Variants in IL1RL2 observed in about 807,000 individuals in gnomAD.
The protein encoded by IL1RL2 is interleukin 1 receptor like 2.
In IL1RL2, 68 loss-of-function variants were observed where a neutral mutation model predicts 66.8. The observed-to-expected ratio is 1.02, with a 90% confidence interval of 0.84 to 1.25. The LOEUF (loss-of-function observed/expected upper bound fraction) is 1.25, where lower values mean the gene tolerates loss of function less well. IL1RL2 is among the 50% of genes most tolerant of loss of function. The pLI is 0.00. For missense variants in IL1RL2, 729 were observed against 709.3 expected, an observed-to-expected ratio of 1.03 and a Z score of -0.32; for synonymous variants, 305 against 264.6, an observed-to-expected ratio of 1.15 and a Z score of -1.48.
At chr2:102,195,176 T>C (rs1025163027) in intron 4 of IL1RL2, among the ~76,000 whole-genome samples, 1 of 152,208 alleles carries the variant, frequency 6.6e-6, no homozygotes, top group African/African-American at 2.4e-5. Context: ...TCAGTAATTG[T>C]TACAATGTGT....
intron 9 of IL1RL2, among the ~76,000 whole-genome samples, chr2:102,229,087 G>A (rs1445556962): frequency 1.3e-5 from 2 of 152,176 alleles, no homozygotes; most frequent in African/African-American, 4.8e-5. Flanking sequence ...ATTTTCCACT[G>A]TTCTGGTTTC....
chr2:102,216,189 T>C (rs1453697081), intron 6 of IL1RL2, among the ~76,000 whole-genome samples: 2 of 152,170 alleles, frequency 1.3e-5, no homozygotes, highest in African/African-American at 4.8e-5. Context: ...AACAGATAGA[T>C]ATTATAAAAA....
At chr2:102,235,651 TGGGAGCCTGTGCTGTCGG>T (rs1674811927) in intron 11 of IL1RL2, 3 of 985,326 alleles carry the variant, frequency 3.0e-6, no homozygotes, top group Non-Finnish European at 3.6e-6. Context: ...GAGTCTGAGA[TGGGAGCCTGTGCTGTCGG>T]GGGACCACAG....
chr2:102,188,355 C>A (rs1245487542), intron 2 of IL1RL2, among the ~76,000 whole-genome samples: 1 of 152,064 alleles, frequency 6.6e-6, no homozygotes, highest in Non-Finnish European at 1.5e-5. Flanking sequence ...GAGGCCAAGG[C>A]GGGCGGATCA....
In IL1RL2 at chr2:102,195,583, TTC is replaced by T. The variant is rs1351130708; in HGVS notation, c.489+3465_489+3466del. 3.1e-3 allele frequency among the ~76,000 whole-genome samples: 46 copies of T among 15,052 alleles called. 2 individuals are homozygous for T. Among genetic ancestry groups the T allele is most frequent in the Admixed American group, 6.5e-3 (10 of 1,538 alleles). 9.9% of individuals were successfully genotyped at this position (15,052 alleles called of 152,430 possible). A position where few individuals can be genotyped will look rare whatever the true frequency, so the allele number is the denominator to read the frequency against. ...TCTCTTTCTTTCTTTCTTTCTTTCTTTCTTTCTTTCTTTCTTTCTTTCTTTCT... is the reference window on the plus strand; with the variant it reads ...TCTCTTTCTTTCTTTCTTTCTTTCTTTTTCTTTCTTTCTTTCTTTCTTTCT... On this transcript the variant is annotated intron_variant, in intron 4 of 11. Transcript: ENST00000264257.
chr2:102,217,674 A>G (rs908564792), intron 6 of IL1RL2, among the ~76,000 whole-genome samples: 5 of 152,208 alleles, frequency 3.3e-5, no homozygotes, highest in African/African-American at 1.2e-4. Context: ...AGGAACACAC[A>G]TTAAACAAGT....
intron 4 of IL1RL2, among the ~76,000 whole-genome samples, chr2:102,198,896 G>A (rs570360971): frequency 1.1e-4 from 16 of 152,148 alleles, no homozygotes; most frequent in African/African-American, 3.4e-4. Flanking sequence ...TTGTCCAACC[G>A]TCTAATGTAC....
At chr2:102,208,000 C>T (rs1252036401) in intron 5 of IL1RL2, among the ~76,000 whole-genome samples, 1 of 152,202 alleles carries the variant, frequency 6.6e-6, no homozygotes, top group Non-Finnish European at 1.5e-5. Context: ...GTCCAGTTTT[C>T]CTTTCTGTTC....
chr2:102,210,522 C>T (rs1689081169), intron 5 of IL1RL2, among the ~76,000 whole-genome samples: 1 of 152,104 alleles, frequency 6.6e-6, no homozygotes, highest in African/African-American at 2.4e-5. Flanking sequence ...GCAGGTAAGG[C>T]ATGAAGGCAC....
Position 102,187,082 on chromosome 2 carries a change from G to A in IL1RL2, c.-17G>A, listed in dbSNP as rs1686741545. On this transcript the variant is annotated 5_prime_UTR_variant, in exon 1 of 12. Transcript: ENST00000264257. ...AGGTCCTGCGCGCTTCAATCCTGCA[G>A]GCAGGTAGACACCGGGCCGGGAGTC... 1 of 1,289,748 alleles carries A rather than the reference G, an allele frequency of 7.8e-7. No homozygotes were observed. The highest frequency in any genetic ancestry group is 1.2e-5 in the South Asian group (1 of 81,040). The allele number at this position is 1,289,748 out of a possible 1,614,324, so 79.9% of individuals were successfully genotyped here.
At chr2:102,227,555 C>A (rs1690733472) in intron 9 of IL1RL2, among the ~76,000 whole-genome samples, 1 of 152,128 alleles carries the variant, frequency 6.6e-6, no homozygotes, top group African/African-American at 2.4e-5. Context: ...TGTGGATAGT[C>A]CGACTGGGCA....
At chr2:102,191,341 TA>T (rs1187028948) in intron 3 of IL1RL2, among the ~76,000 whole-genome samples, 1 of 152,234 alleles carries the variant, frequency 6.6e-6, no homozygotes, top group Non-Finnish European at 1.5e-5. Flanking sequence ...TTAAACATCA[TA>T]TAATACCTTA....
In IL1RL2 at chr2:102,233,109, G is replaced by A; in HGVS notation, c.1282G>A (p.Glu428Lys). 1 of 1,606,034 alleles carries A rather than the reference G, an allele frequency of 6.2e-7. No homozygotes were observed. The highest frequency in any genetic ancestry group is 8.5e-7 in the Non-Finnish European group (1 of 1,174,932). ...GYKLFIFGRD[E>K]FPGQAVANVI... The stretch of plus-strand genomic sequence containing the variant: ...TAAGTTGTTTATATTCGGCAGAGAT[G>A]AATTCCCTGGACAAGGTGGGTTTTA... Residue 428 changes from glutamate to lysine, a missense_variant, in exon 10 of 12, where the codon GAA (glutamate) becomes AAA (lysine). By Grantham distance (56) the Glu-to-Lys change is moderately conservative. Coordinates refer to ENST00000264257, the MANE Select transcript of IL1RL2 (RefSeq NM_003854.4).
Position 102,189,304 on chromosome 2 carries a change from T to A in IL1RL2, c.287T>A (p.Val96Asp), listed in dbSNP as rs777448422. 6.3e-7 allele frequency: 1 copy of A among 1,589,260 alleles called. No homozygotes were observed. The highest frequency in any genetic ancestry group is 1.7e-5 in the Admixed American group (1 of 58,462). ...GGGGACTCAGGAGTCTACCAATGTG[T>A]TATAAAGTAAGTTCCTAATTTAAAA... ...EWGDSGVYQC[V>D]IKGRDSCHRI... Residue 96 changes from valine to aspartate, a missense_variant, in exon 3 of 12, where the codon GTT becomes GAT. Coordinates refer to ENST00000264257, the MANE Select transcript of IL1RL2 (RefSeq NM_003854.4).
intron 5 of IL1RL2, among the ~76,000 whole-genome samples, chr2:102,202,536 T>C (rs1271619712): frequency 6.6e-6 from 1 of 151,992 alleles, no homozygotes; most frequent in Non-Finnish European, 1.5e-5. Flanking sequence ...TTTTATAGTT[T>C]TCATTATAGA....
chr2:102,234,344 C>T (rs1004638339), intron 10 of IL1RL2, among the ~76,000 whole-genome samples: 3 of 152,092 alleles, frequency 2.0e-5, no homozygotes, highest in African/African-American at 2.4e-5. Context: ...AAGTGACATA[C>T]AAAGAAACCA....
intron 5 of IL1RL2, among the ~76,000 whole-genome samples, chr2:102,211,188 A>G (rs925975876): frequency 3.3e-5 from 5 of 152,174 alleles, no homozygotes; most frequent in African/African-American, 1.2e-4. Context: ...AAAGATATGT[A>G]TTTTTGCATT....
At position 102,195,559 on chromosome 2, in the gene IL1RL2, C is replaced by CCT. The variant is rs1687603928; in HGVS notation, c.489+3439_489+3440insCT. ...ATTCCCTTATTCTATTTCTTTCTTT[C>CCT]TCTTTCTTTCTTTCTTTCTTTCTTT... On this transcript the variant is annotated intron_variant, in intron 4 of 11. Transcript: ENST00000264257. Among the ~76,000 whole-genome samples the CCT allele has an allele frequency of 9.2e-5, 4 of 43,680 alleles. 1 individual carries two copies. The highest frequency in any genetic ancestry group is 1.6e-4 in the Non-Finnish European group (3 of 18,668). 28.7% of individuals were successfully genotyped at this position (43,680 alleles called of 152,430 possible).
At chr2:102,230,242 T>C (rs1017446269) in intron 9 of IL1RL2, among the ~76,000 whole-genome samples, 3 of 152,220 alleles carry the variant, frequency 2.0e-5, no homozygotes, top group African/African-American at 2.4e-5. Context: ...AAGAAACTTA[T>C]GAAATGTTTC....
Sources: gnomAD v4.1 joint callset for allele counts (sites outside exome capture counted in the v4.1 genomes callset) on GRCh38, gnomAD v4.1.1 for gene constraint, MANE v1.5 for transcripts, NCBI Gene and HGNC (gene_info 2026-07-23, HGNC 2026-07-21) for gene names.